Variants in MACROD2 observed in about 807,000 individuals in gnomAD.
MACROD2 encodes the protein ADP-ribose glycohydrolase MACROD2.
A neutral mutation model predicts 70.4 loss-of-function variants in MACROD2; 36 were observed. The ratio of observed to expected loss-of-function variants is 0.51; its 90% CI spans 0.39 to 0.68. MACROD2 has a LOEUF of 0.68. Among genes scored for constraint, MACROD2 ranks in the 30% least tolerant of loss-of-function variants. MACROD2 has a pLI of 0.00. For synonymous variants in MACROD2, 172 were observed against 178.8 expected, an observed-to-expected ratio of 0.96 and a Z score of 0.30; for missense variants, 496 against 538.4, an observed-to-expected ratio of 0.92 and a Z score of 0.78.
intron 8 of MACROD2, among the ~76,000 whole-genome samples, chr20:15,581,991 G>A (rs1456874523): frequency 2.6e-5 from 4 of 152,068 alleles, no homozygotes; most frequent in African/African-American, 4.8e-5. Flanking sequence ...GCATGATGGC[G>A]TGGACCTGTA....
chr20:14,896,976 A>G (rs1445011186), intron 5 of MACROD2, among the ~76,000 whole-genome samples: 1 of 152,202 alleles, frequency 6.6e-6, no homozygotes, highest in Non-Finnish European at 1.5e-5. Flanking sequence ...GCTTGAGTTT[A>G]TATTATAGAT....
chr20:16,024,024 T>C (rs1024888982), intron 15 of MACROD2, among the ~76,000 whole-genome samples: 7 of 152,096 alleles, frequency 4.6e-5, no homozygotes, highest in Non-Finnish European at 1.0e-4. Context: ...AGCTCAGAGG[T>C]GGGCTGGGGT....
chr20:14,808,772 AG>A lies in MACROD2; in HGVS notation c.418+123814del, dbSNP rs1336416213. ...AAGAAAATGGAAAGAAAAAAAAAAA[AG>A]CAGGGGTTGTAATCCCAGTTTCTGA... On this transcript the variant is annotated intron_variant, in intron 5 of 17. Coordinates refer to ENST00000684519, the MANE Select transcript of MACROD2 (RefSeq NM_001351661.2). Among the ~76,000 whole-genome samples, 7 of 151,196 alleles carry A rather than the reference AG, an allele frequency of 4.6e-5. No individual in the cohort carries two copies. The East Asian group carries it at 5.8e-4, about 13-fold the overall frequency.
chr20:14,646,026 TA>T (rs1985372858), intron 4 of MACROD2, among the ~76,000 whole-genome samples: 1 of 150,188 alleles, frequency 6.7e-6, no homozygotes, highest in African/African-American at 2.5e-5. Context: ...AGAAATAACT[TA>T]TATATTAAAT....
At chr20:14,298,181 G>A (rs934401755) in intron 3 of MACROD2, among the ~76,000 whole-genome samples, 2 of 151,908 alleles carry the variant, frequency 1.3e-5, no homozygotes, top group Admixed American at 1.3e-4. Flanking sequence ...GGAGATGTGC[G>A]AGAAGATTAA....
chr20:15,357,005 T>C (rs953313275), intron 6 of MACROD2, among the ~76,000 whole-genome samples: 7 of 152,180 alleles, frequency 4.6e-5, no homozygotes, highest in Non-Finnish European at 1.0e-4. Context: ...GGAAAATCCC[T>C]TATATGAACC....
chr20:14,958,362 A>T (rs963144973), intron 5 of MACROD2, among the ~76,000 whole-genome samples: 1 of 152,196 alleles, frequency 6.6e-6, no homozygotes, highest in Non-Finnish European at 1.5e-5. Flanking sequence ...ATTTTCAAAC[A>T]TACAAATAAG....
intron 12 of MACROD2, among the ~76,000 whole-genome samples, chr20:15,960,935 C>T (rs985972941): frequency 3.3e-5 from 5 of 152,116 alleles, no homozygotes; most frequent in African/African-American, 1.2e-4. Flanking sequence ...CTCTAGATGT[C>T]AGAGGTGGAG....
chr20:15,668,153 G>A (rs962385157), intron 8 of MACROD2, among the ~76,000 whole-genome samples: 29 of 152,086 alleles, frequency 1.9e-4, no homozygotes, highest in African/African-American at 7.0e-4. Context: ...CCAGCTACTC[G>A]GGAGGCTGAG....
intron 5 of MACROD2, among the ~76,000 whole-genome samples, chr20:14,879,662 C>T (rs1449894544): frequency 6.6e-6 from 1 of 152,140 alleles, no homozygotes; most frequent in East Asian, 1.9e-4. Flanking sequence ...TTACATTGTT[C>T]TTTCATCACA....
At chr20:14,244,511 T>C (rs2081954306) in intron 3 of MACROD2, among the ~76,000 whole-genome samples, 1 of 152,172 alleles carries the variant, frequency 6.6e-6, no homozygotes, top group East Asian at 1.9e-4. Flanking sequence ...AGGCTGCATG[T>C]TATGAATAGA....
chr20:14,662,472 G>A (rs1986274270), intron 4 of MACROD2, among the ~76,000 whole-genome samples: 1 of 151,954 alleles, frequency 6.6e-6, no homozygotes, highest in South Asian at 2.1e-4. Flanking sequence ...TGCAACAAAA[G>A]CAACACTTGA....
chr20:15,124,131 T>C (rs1185190407), intron 5 of MACROD2, among the ~76,000 whole-genome samples: 1 of 152,108 alleles, frequency 6.6e-6, no homozygotes, highest in South Asian at 2.1e-4. Flanking sequence ...CTTCTCTCTT[T>C]GATTTTTTTT....
chr20:15,571,901 TTAACAC>T (rs1310710345), intron 8 of MACROD2, among the ~76,000 whole-genome samples: 1 of 152,132 alleles, frequency 6.6e-6, no homozygotes, highest in African/African-American at 2.4e-5. Flanking sequence ...TAAAAAGTGT[TTAACAC>T]TAACATCACA....
At chr20:15,713,693 C>T (rs868171041) in intron 8 of MACROD2, among the ~76,000 whole-genome samples, 2 of 152,126 alleles carry the variant, frequency 1.3e-5, no homozygotes, top group Non-Finnish European at 2.9e-5. Context: ...CCACTTCCAA[C>T]ATTGGGAATT....
chr20:14,772,322 G>C (rs2072179646), intron 5 of MACROD2, among the ~76,000 whole-genome samples: 1 of 151,842 alleles, frequency 6.6e-6, no homozygotes, highest in Non-Finnish European at 1.5e-5. Flanking sequence ...ATGTGTATTA[G>C]TTCATTTTCA....
At chr20:15,320,675 T>C (rs2077864776) in intron 6 of MACROD2, among the ~76,000 whole-genome samples, 1 of 152,200 alleles carries the variant, frequency 6.6e-6, no homozygotes, top group Non-Finnish European at 1.5e-5. Flanking sequence ...TTCTTTCTAA[T>C]GCAGCAGTCC....
At chr20:15,357,400 A>C (rs916092117) in intron 6 of MACROD2, among the ~76,000 whole-genome samples, 1 of 152,162 alleles carries the variant, frequency 6.6e-6, no homozygotes, top group African/African-American at 2.4e-5. Flanking sequence ...TAGAAATTTC[A>C]TTTAAAGCAT....
intron 2 of MACROD2, among the ~76,000 whole-genome samples, chr20:14,049,822 G>A (rs529265060): frequency 6.6e-6 from 1 of 151,784 alleles, no homozygotes; most frequent in South Asian, 2.1e-4. Context: ...GGTGGCTCAC[G>A]CCTGTAATCC....
Sources: gnomAD v4.1 joint callset for allele counts (sites outside exome capture counted in the v4.1 genomes callset) on GRCh38, gnomAD v4.1.1 for gene constraint, MANE v1.5 for transcripts, NCBI Gene and HGNC (gene_info 2026-07-23, HGNC 2026-07-21) for gene names.